Variants in PLCB1 observed in about 807,000 individuals in gnomAD.
The protein encoded by PLCB1 is 1-phosphatidylinositol 4,5-bisphosphate phosphodiesterase beta-1.
PLCB1 carries 46 observed loss-of-function variants against 161.8 expected under a neutral mutation model. The observed-to-expected ratio is 0.28, with a 90% CI of 0.22 to 0.36. The LOEUF (loss-of-function observed/expected upper bound fraction) is 0.36. Among genes scored for constraint, PLCB1 ranks in the 10% least tolerant of loss-of-function variants. The pLI, the probability that PLCB1 is intolerant of heterozygous loss-of-function variation, is 1.00. For missense variants in PLCB1, 1,016 were observed against 1,472.5 expected (o/e 0.69, Z 5.07); for synonymous variants, 517 against 503.7 (o/e 1.03, Z -0.35).
intron 3 of PLCB1, among the ~76,000 whole-genome samples, chr20:8,627,561 A>G (rs1020262055): frequency 2.6e-5 from 4 of 152,176 alleles, no homozygotes; most frequent in African/African-American, 7.2e-5. Flanking sequence ...GTCCTATGGG[A>G]GGAAATAACT....
intron 2 of PLCB1, among the ~76,000 whole-genome samples, chr20:8,225,814 A>G (rs74425210): frequency 7.5e-4 from 115 of 152,356 alleles, no homozygotes; most frequent in African/African-American, 2.6e-3. Context: ...AGGATATAAC[A>G]ATACAGCTGA....
At chr20:8,339,908 G>A (rs1985736006) in intron 2 of PLCB1, among the ~76,000 whole-genome samples, 1 of 152,134 alleles carries the variant, frequency 6.6e-6, no homozygotes, top group African/African-American at 2.4e-5. Context: ...GTTCAAGGCT[G>A]CAGTGATCAC....
At chr20:8,432,314 C>T (rs1270331886) in intron 3 of PLCB1, among the ~76,000 whole-genome samples, 6 of 152,174 alleles carry the variant, frequency 3.9e-5, no homozygotes, top group Non-Finnish European at 5.9e-5. Context: ...CACCAACTCC[C>T]GTGGCTCCAT....
At position 8,683,422 on chromosome 20, in the gene PLCB1, G is replaced by A. The variant is rs75985533; in HGVS notation, c.863-1510G>A. 6.8e-3 allele frequency among the ~76,000 whole-genome samples: 1,023 copies of A among 150,882 alleles called. 13 individuals are homozygous for A. Among genetic ancestry groups the A allele is most frequent in the African/African-American group, 0.024 (971 of 41,154 alleles). ...AAAAAAAAAAGAAATGCTACCCTCC[G>A]ACATTTGTTGGCAACATATTTACTA... is the stretch of plus-strand genomic sequence containing the variant. On this transcript the variant is annotated intron_variant, in intron 9 of 31. Coordinates refer to ENST00000338037, the MANE Select transcript of PLCB1 (RefSeq NM_015192.4).
intron 3 of PLCB1, among the ~76,000 whole-genome samples, chr20:8,488,648 G>C (rs1307562563): frequency 6.6e-6 from 1 of 152,036 alleles, no homozygotes; most frequent in African/African-American, 2.4e-5. Flanking sequence ...TTCTGCAATG[G>C]TTAAGATTTA....
intron 25 of PLCB1, among the ~76,000 whole-genome samples, chr20:8,764,191 C>CATA (rs1982197282): frequency 6.6e-6 from 1 of 152,036 alleles, no homozygotes; most frequent in Non-Finnish European, 1.5e-5. Context: ...TAATCATAAT[C>CATA]ATAATAATAT....
At chr20:8,803,601 A>C (rs911600616) in intron 31 of PLCB1, among the ~76,000 whole-genome samples, 3 of 152,110 alleles carry the variant, frequency 2.0e-5, no homozygotes, top group Non-Finnish European at 4.4e-5. Flanking sequence ...AGGTGAGTAG[A>C]GGACCGACAT....
intron 3 of PLCB1, among the ~76,000 whole-genome samples, chr20:8,526,703 T>G (rs6133589): frequency 0.02 from 3,060 of 152,218 alleles, 207 homozygotes; most frequent in Admixed American, 0.14. Context: ...TATACAATTT[T>G]GTATACTGAT....
intron 2 of PLCB1, among the ~76,000 whole-genome samples, chr20:8,252,660 A>C (rs192245292): frequency 6.6e-6 from 1 of 151,996 alleles, no homozygotes; most frequent in South Asian, 2.1e-4. Flanking sequence ...TCATTAGCTC[A>C]CAAGGCAAAT....
intron 3 of PLCB1, among the ~76,000 whole-genome samples, chr20:8,494,018 C>A (rs1412330780): frequency 7.4e-6 from 1 of 135,120 alleles, no homozygotes; most frequent in Non-Finnish European, 1.5e-5. Flanking sequence ...TGTGCTATAG[C>A]ATCACTGGAA....
At chr20:8,651,185 C>G (rs1200771118) in intron 7 of PLCB1, among the ~76,000 whole-genome samples, 1 of 152,056 alleles carries the variant, frequency 6.6e-6, no homozygotes, top group Non-Finnish European at 1.5e-5. Flanking sequence ...ATAGGAAGAA[C>G]CTTTGAGCCC....
At chr20:8,473,609 G>A (rs931576032) in intron 3 of PLCB1, among the ~76,000 whole-genome samples, 1 of 152,136 alleles carries the variant, frequency 6.6e-6, no homozygotes, top group African/African-American at 2.4e-5. Context: ...TATCAAGACC[G>A]AGGTGCCTGC....
At chr20:8,157,057 A>G (rs889559852) in intron 2 of PLCB1, among the ~76,000 whole-genome samples, 5 of 152,196 alleles carry the variant, frequency 3.3e-5, no homozygotes, top group African/African-American at 1.2e-4. Flanking sequence ...GATCTGAAAC[A>G]TTGAAGCTTA....
At chr20:8,659,517 C>T (rs560761169) in intron 9 of PLCB1, among the ~76,000 whole-genome samples, 185 of 152,024 alleles carry the variant, frequency 1.2e-3, no homozygotes, top group African/African-American at 4.2e-3. Context: ...GTACAATTAA[C>T]CAATTATTGA....
intron 3 of PLCB1, among the ~76,000 whole-genome samples, chr20:8,620,510 T>G (rs1988150016): frequency 6.6e-6 from 1 of 151,782 alleles, no homozygotes; most frequent in East Asian, 1.9e-4. Context: ...GAGGCAGAGA[T>G]GGACAGATCA....
chr20:8,245,695 G>A (rs1157512299), intron 2 of PLCB1, among the ~76,000 whole-genome samples: 2 of 151,858 alleles, frequency 1.3e-5, no homozygotes, highest in Non-Finnish European at 2.9e-5. Context: ...GCAATTATAA[G>A]AATCAAAAAG....
chr20:8,591,429 A>G (rs1045019394), intron 3 of PLCB1, among the ~76,000 whole-genome samples: 4 of 152,342 alleles, frequency 2.6e-5, no homozygotes, highest in Non-Finnish European at 5.9e-5. Context: ...ACTAAAGAAC[A>G]TAAAGAATCA....
At chr20:8,694,119 G>T (rs1990536949) in intron 10 of PLCB1, among the ~76,000 whole-genome samples, 1 of 152,152 alleles carries the variant, frequency 6.6e-6, no homozygotes, top group Non-Finnish European at 1.5e-5. Context: ...GTAATAATGA[G>T]TTAAGAATTT....
chr20:8,212,303 C>G (rs1285655762), intron 2 of PLCB1, among the ~76,000 whole-genome samples: 1 of 152,110 alleles, frequency 6.6e-6, no homozygotes, highest in African/African-American at 2.4e-5. Flanking sequence ...TTTCCTAAGT[C>G]TAGAACAGCA....
Sources: allele counts gnomAD v4.1 joint callset (sites outside exome capture counted in the v4.1 genomes callset), GRCh38; gene constraint gnomAD v4.1.1; transcripts MANE v1.5; gene names NCBI Gene and HGNC (gene_info 2026-07-23, HGNC 2026-07-21).